IDH3A: variants seen among roughly 807,000 people sequenced by gnomAD.
IDH3A encodes isocitrate dehydrogenase (NAD(+)) 3 catalytic subunit alpha, also known as isocitrate dehydrogenase [NAD] subunit alpha, mitochondrial.
In IDH3A, 23 loss-of-function variants were observed where a neutral mutation model predicts 43.3. That is an observed-to-expected ratio of 0.53 (90% CI 0.38 to 0.75). IDH3A has a LOEUF of 0.75. IDH3A is among the 30% of genes least tolerant of loss of function. The probability of loss-of-function intolerance (pLI) is 0.00; values close to 1 mark genes in which losing one functional copy is unlikely to be tolerated. For missense variants in IDH3A, 329 were observed against 474.4 expected (o/e 0.69, Z 2.85); for synonymous variants, 154 against 163.5 (o/e 0.94, Z 0.44).
intron 1 of IDH3A, 115 bp downstream of exon 1, chr15:78,149,545 G>GTC: frequency 1.1e-6 from 1 of 878,984 alleles, no homozygotes; most frequent in Non-Finnish European, 1.6e-6. Flanking sequence ...GGCGGTGGCT[G>GTC]CCCGCGGGGA....
intron 3 of IDH3A, among the ~76,000 whole-genome samples, chr15:78,158,515 T>C (rs1378254500): frequency 7.4e-6 from 1 of 135,386 alleles, no homozygotes; most frequent in Non-Finnish European, 1.6e-5. Flanking sequence ...TTGCTCTTGT[T>C]GCCCAGGCTG....
At position 78,149,381 on chromosome 15, in the gene IDH3A, C is replaced by A. The variant is rs1483913927; in HGVS notation, c.-23C>A. On this transcript the variant is annotated 5_prime_UTR_variant, in exon 1 of 11. It adds an upstream start codon to the 5' untranslated region. Transcript: ENST00000299518. ...TTGCGCACTGCCGCTGCGGCTGTTG[C>A]TGCGGAGCCAGGAGGGGAAGCGATG... is the stretch of plus-strand genomic sequence containing the variant. 2.0e-6 allele frequency: 3 copies of A among 1,535,866 alleles called. No individual in the cohort carries two copies. The highest frequency in any genetic ancestry group is 2.4e-5 in the South Asian group (2 of 83,462).
At chr15:78,160,796 C>T (rs1445076204) in intron 4 of IDH3A, among the ~76,000 whole-genome samples, 1 of 151,526 alleles carries the variant, frequency 6.6e-6, no homozygotes, top group African/African-American at 2.4e-5. Context: ...CTGTGCCTGG[C>T]CTACATTTTT....
intron 3 of IDH3A, 184 bp from the exon 4 acceptor site, chr15:78,159,908 T>C (rs1223917031): frequency 1.9e-6 from 1 of 519,820 alleles, no homozygotes; most frequent in Non-Finnish European, 3.5e-6. Flanking sequence ...GGCATGAGAA[T>C]CGCTGGAACC....
At chr15:78,150,340 C>T (rs1017632216) in intron 1 of IDH3A, among the ~76,000 whole-genome samples, 2 of 152,200 alleles carry the variant, frequency 1.3e-5, no homozygotes, top group East Asian at 1.9e-4. Context: ...GGTCACATAG[C>T]AAATGATGGT....
At chr15:78,162,418 C>T (rs764806615) in intron 6 of IDH3A, 51 bp downstream of exon 6, 15 of 1,594,234 alleles carry the variant, frequency 9.4e-6, no homozygotes, top group Non-Finnish European at 1.2e-5. Context: ...TGTGGGAGAG[C>T]AGTGACAGGG....
Position 78,171,563 on chromosome 15 carries a change from C to G in IDH3A, c.*2558C>G, listed in dbSNP as rs762981722. ...GAAATGAGAAGAAATGAGTGAGGCCCAGGCTCTGAGAACTCTGAGAATGTG... is the reference window on the plus strand; with the variant it reads ...GAAATGAGAAGAAATGAGTGAGGCCGAGGCTCTGAGAACTCTGAGAATGTG... On this transcript the variant is annotated 3_prime_UTR_variant, in exon 11 of 11. Transcript: ENST00000299518. 2.5e-6 allele frequency: 4 copies of G among 1,569,402 alleles called. No homozygotes were observed. The highest frequency in any genetic ancestry group is 2.6e-6 in the Non-Finnish European group (3 of 1,139,460).
In IDH3A at chr15:78,171,444, T is replaced by C; in HGVS notation, c.*2439T>C. 6.2e-7 allele frequency: 1 copy of C among 1,613,744 alleles called. No homozygotes were observed. Among genetic ancestry groups the C allele is most frequent in the Non-Finnish European group, 8.5e-7 (1 of 1,179,652 alleles). On this transcript the variant is annotated 3_prime_UTR_variant, in exon 11 of 11. Transcript: ENST00000299518. The stretch of plus-strand genomic sequence containing the variant: ...TAGAAACTGCAGGCATAGGCCCTGA[T>C]TACATTTTTTGCTCTTGGTAAAAGG...
In IDH3A at chr15:78,171,285, G is replaced by T; in HGVS notation, c.*2280G>T. ...CTTGGAATTGTCAGCTATTGTTGGC[G>T]TAAGACCTGGTAAATGTAGAGCCAG... On this transcript the variant is annotated 3_prime_UTR_variant, in exon 11 of 11. Coordinates refer to ENST00000299518, the MANE Select transcript of IDH3A (RefSeq NM_005530.3). The T allele has an allele frequency of 5.5e-6, 3 of 549,144 alleles. No individual in the cohort carries two copies. Among genetic ancestry groups the T allele is most frequent in the Non-Finnish European group, 9.7e-6 (3 of 308,922 alleles). The allele number at this position is 549,144 out of a possible 1,614,324, so 34.0% of individuals were successfully genotyped here. A position where few individuals can be genotyped will look rare whatever the true frequency, so the allele number is the denominator to read the frequency against.
At position 78,163,729 on chromosome 15, in the gene IDH3A, C is replaced by T; in HGVS notation, c.728C>T (p.Pro243Leu). 1 of 1,612,826 alleles carries T rather than the reference C, an allele frequency of 6.2e-7. No homozygotes were observed. The highest frequency in any genetic ancestry group is 8.5e-7 in the Non-Finnish European group (1 of 1,178,864). ...DTVCLNMVQD[P>L]SQFDVLVMPN... ...TATTCCTTGTAGATGGTACAAGATC[C>T]TTCCCAATTTGATGTTCTTGTTATG... The change falls in exon 8 of 11, where the codon CCT becomes CTT. Residue 243 changes from proline (P) to leucine (L), a missense_variant. By Grantham distance (98) the Pro-to-Leu change is moderately conservative (BLOSUM62 -3). Coordinates refer to ENST00000299518, the MANE Select transcript of IDH3A (RefSeq NM_005530.3).
chr15:78,169,242 T>C lies in IDH3A; in HGVS notation c.*237T>C, dbSNP rs2141308668. 1 of 329,576 alleles carries C rather than the reference T, an allele frequency of 3.0e-6. No individual in the cohort carries two copies. Among genetic ancestry groups the C allele is most frequent in the East Asian group, 4.7e-5 (1 of 21,480 alleles). 20.4% of individuals were successfully genotyped at this position (329,576 alleles called of 1,614,324 possible). A position where few individuals can be genotyped will look rare whatever the true frequency, so the allele number is the denominator to read the frequency against. On this transcript the variant is annotated 3_prime_UTR_variant, in exon 11 of 11. Transcript: ENST00000299518. ...TATTAAGTGTCTACCTGGTAAATGT[T>C]TTTTTTGTAAACTCTGAGTGGACTG...
At chr15:78,155,484 T>C in intron 2 of IDH3A, 1 of 418,164 alleles carries the variant, frequency 2.4e-6, no homozygotes, top group African/African-American at 2.0e-5. Context: ...CAGCTGGCTA[T>C]GTAAGTTTGT....
rs568767058 is a variant in IDH3A at position 78,157,355 on chromosome 15, G to A, written c.91-193G>A. 3.2e-5 allele frequency: 20 copies of A among 625,004 alleles called. No homozygotes were observed. In the South Asian group the frequency reaches 4.3e-4, roughly 14 times the overall value. The allele number at this position is 625,004 out of a possible 1,614,324, so 38.7% of individuals were successfully genotyped here. On this transcript the variant is annotated intron_variant, in intron 2 of 10. Coordinates refer to ENST00000299518, the MANE Select transcript of IDH3A (RefSeq NM_005530.3). ...ACCTCTGAACTCAGGTAAAGAGTAG[G>A]ATTGCAGAGTCTCTCCTCTGTTGAT...
intron 8 of IDH3A, among the ~76,000 whole-genome samples, chr15:78,164,016 A>C (rs561618759): frequency 6.6e-6 from 1 of 151,954 alleles, no homozygotes; most frequent in Admixed American, 6.6e-5. Context: ...TTATTAGGTC[A>C]CTCTTCCCAG....
At chr15:78,164,643 A>G (rs2074719864) in intron 8 of IDH3A, among the ~76,000 whole-genome samples, 1 of 152,140 alleles carries the variant, frequency 6.6e-6, no homozygotes, top group Non-Finnish European at 1.5e-5. Flanking sequence ...TGAGCCACTG[A>G]GCCCAGCTGT....
intron 2 of IDH3A, 52 bp downstream of exon 2, chr15:78,155,327 G>T (rs770938285): frequency 1.6e-6 from 2 of 1,238,968 alleles, no homozygotes; most frequent in South Asian, 1.3e-5. Flanking sequence ...TCTCAAGAAA[G>T]ATGCTCTAAC....
At chr15:78,160,687 TCTCA>T (rs1409359263) in intron 4 of IDH3A, among the ~76,000 whole-genome samples, 2 of 152,070 alleles carry the variant, frequency 1.3e-5, no homozygotes, top group Admixed American at 1.3e-4. Context: ...AGAGATGGGG[TCTCA>T]CTATGTTTCC....
In IDH3A at chr15:78,149,398, G is replaced by A; in HGVS notation, c.-6G>A. ...GGCTGTTGCTGCGGAGCCAGGAGGG[G>A]AAGCGATGGCTGGGCCCGCGTGGAT... On this transcript the variant is annotated 5_prime_UTR_variant, in exon 1 of 11. Coordinates refer to ENST00000299518, the MANE Select transcript of IDH3A (RefSeq NM_005530.3). 6.5e-7 allele frequency: 1 copy of A among 1,548,994 alleles called. No homozygotes were observed. Among genetic ancestry groups the A allele is most frequent in the East Asian group, 2.5e-5 (1 of 40,474 alleles).
chr15:78,166,844 T>C (rs949119225), intron 10 of IDH3A, among the ~76,000 whole-genome samples: 1 of 151,920 alleles, frequency 6.6e-6, no homozygotes, highest in Non-Finnish European at 1.5e-5. Flanking sequence ...GCTGGCCAGG[T>C]TGGTCTCGAA....
Sources: gnomAD v4.1 joint callset for allele counts (sites outside exome capture counted in the v4.1 genomes callset) on GRCh38, gnomAD v4.1.1 for gene constraint, MANE v1.5 for transcripts, NCBI Gene and HGNC (gene_info 2026-07-23, HGNC 2026-07-21) for gene names.